Variants in GRID1 observed in about 807,000 individuals in gnomAD.
GRID1 encodes glutamate ionotropic receptor delta type subunit 1.
Under a neutral mutation model 98.0 loss-of-function variants are expected in GRID1, and 28 were observed. That is an observed-to-expected ratio of 0.29 (90% CI 0.21 to 0.39). The LOEUF is 0.39. GRID1 is among the 10% of genes least tolerant of loss of function. The pLI, the probability that GRID1 is intolerant of heterozygous loss-of-function variation, is 1.00. For synonymous variants in GRID1, 553 were observed against 538.5 expected (o/e 1.03, Z -0.37); for missense variants, 1,111 against 1,340.5 (o/e 0.83, Z 2.67).
At chr10:85,743,855 T>C (rs1429964562) in intron 8 of GRID1, among the ~76,000 whole-genome samples, 1 of 152,188 alleles carries the variant, frequency 6.6e-6, no homozygotes, top group African/African-American at 2.4e-5. Flanking sequence ...GAATGATCCT[T>C]TGGTTTCTCT....
At chr10:86,019,198 T>G (rs1843017597) in intron 4 of GRID1, among the ~76,000 whole-genome samples, 2 of 152,204 alleles carry the variant, frequency 1.3e-5, no homozygotes, top group Non-Finnish European at 2.9e-5. Context: ...CCAGACCAGT[T>G]TGGCATCTGC....
At chr10:86,360,944 G>T (rs1010068479) in intron 2 of GRID1, among the ~76,000 whole-genome samples, 1 of 152,214 alleles carries the variant, frequency 6.6e-6, no homozygotes, top group Admixed American at 6.5e-5. Flanking sequence ...GTCACTGTGG[G>T]CTTGTCCAGT....
In GRID1 at chr10:86,165,153, A is replaced by C. The variant is rs1589394089; in HGVS notation, c.521-26129T>G. Among the ~76,000 whole-genome samples, 3 of 152,288 alleles carry C rather than the reference A, an allele frequency of 2.0e-5. No homozygotes were observed. In the South Asian group the frequency reaches 6.2e-4, roughly 32 times the overall value. ...CCCAGCTATGACCAATAGAGGAAAA[A>C]AAAAATCTGTGATCCTGGAGGGATA... On this transcript the variant is annotated intron_variant, in intron 3 of 15. Transcript: ENST00000327946.
chr10:85,998,215 G>A (rs1017032041), intron 4 of GRID1, among the ~76,000 whole-genome samples: 4 of 151,888 alleles, frequency 2.6e-5, no homozygotes, highest in Admixed American at 6.6e-5. Flanking sequence ...AAGAGCCCAC[G>A]AAACGTTCCC....
intron 2 of GRID1, among the ~76,000 whole-genome samples, chr10:86,256,075 C>T (rs967786248): frequency 2.6e-4 from 39 of 152,128 alleles, no homozygotes; most frequent in Non-Finnish European, 7.4e-5. Flanking sequence ...CACAGCTTTT[C>T]CAGACGCACA....
At chr10:86,077,527 G>T (rs1843900191) in intron 4 of GRID1, among the ~76,000 whole-genome samples, 1 of 152,190 alleles carries the variant, frequency 6.6e-6, no homozygotes, top group Non-Finnish European at 1.5e-5. Flanking sequence ...CTCTTCCAAA[G>T]CATTCCCTGC....
At position 85,856,182 on chromosome 10, in the gene GRID1, G is replaced by A; in HGVS notation, c.960C>T (p.Asn320=). 2 of 1,614,090 alleles carry A rather than the reference G, an allele frequency of 1.2e-6. No individual in the cohort carries two copies. Among genetic ancestry groups the A allele is most frequent in the East Asian group, 2.2e-5 (1 of 44,876 alleles). The change falls in exon 7 of 16, where the codon AAC becomes AAT. Residue 320 remains asparagine (N), a synonymous_variant. Transcript: ENST00000327946. ...EGYLQMLQIS[N]LYLYDSVLML... is the part of the protein sequence containing the mutation. ...TCAGAACACTGTCATACAGATAGAGGTTGGAGATCTGCAAAGACAGAGGCA... is the reference window on the plus strand; with the variant it reads ...TCAGAACACTGTCATACAGATAGAGATTGGAGATCTGCAAAGACAGAGGCA...
chr10:86,265,717 A>G (rs527646250), intron 2 of GRID1, among the ~76,000 whole-genome samples: 3 of 152,204 alleles, frequency 2.0e-5, no homozygotes, highest in African/African-American at 7.2e-5. Flanking sequence ...CTTCAGTGCC[A>G]CTAACACTCA....
Position 85,729,710 on chromosome 10 carries a change from T to C in GRID1, c.1234-96A>G, listed in dbSNP as rs576649523. 625 of 720,048 alleles carry C rather than the reference T, an allele frequency of 8.7e-4. 2 individuals are homozygous for C. Among genetic ancestry groups the C allele is most frequent in the South Asian group, 1.2e-3 (71 of 58,092 alleles). 44.6% of individuals were successfully genotyped at this position (720,048 alleles called of 1,614,324 possible). A position where few individuals can be genotyped will look rare whatever the true frequency, so the allele number is the denominator to read the frequency against. On this transcript the variant is annotated intron_variant, in intron 8 of 15. Transcript: ENST00000327946. ...ACACTGGGATCCTGAATTAGGCAGG[T>C]AGGTGAACAGTAGTCCCCTGGAGTT...
chr10:86,271,329 G>C (rs1437003851), intron 2 of GRID1, among the ~76,000 whole-genome samples: 4 of 152,122 alleles, frequency 2.6e-5, no homozygotes, highest in Non-Finnish European at 5.9e-5. Flanking sequence ...CTGCATTCCA[G>C]AATAAAGCCC....
At chr10:86,104,179 T>C (rs1434152240) in intron 4 of GRID1, among the ~76,000 whole-genome samples, 1 of 151,938 alleles carries the variant, frequency 6.6e-6, no homozygotes, top group Non-Finnish European at 1.5e-5. Context: ...CGGACCAGGG[T>C]TCAAATCCAA....
chr10:86,358,160 T>A (rs1564748026), intron 2 of GRID1, among the ~76,000 whole-genome samples: 2 of 152,148 alleles, frequency 1.3e-5, no homozygotes, highest in African/African-American at 2.4e-5. Flanking sequence ...GTGTGATGCT[T>A]CCAGGGTGAG....
intron 2 of GRID1, among the ~76,000 whole-genome samples, chr10:86,273,879 G>C (rs1847226004): frequency 6.7e-6 from 1 of 148,518 alleles, no homozygotes; most frequent in Non-Finnish European, 1.5e-5. Context: ...TCACTCTCAT[G>C]GTAGTTTCTT....
chr10:85,815,068 T>C (rs1360416502), intron 8 of GRID1, among the ~76,000 whole-genome samples: 58 of 152,148 alleles, frequency 3.8e-4, no homozygotes, highest in Non-Finnish European at 5.9e-5. Context: ...GTGATGTTCA[T>C]GCCCAAAATG....
At position 85,636,522 on chromosome 10, in the gene GRID1, C is replaced by T. The variant is rs769334692; in HGVS notation, c.2193+10680G>A. Among the ~76,000 whole-genome samples the T allele has an allele frequency of 3.9e-5, 6 of 152,104 alleles. No individual in the cohort carries two copies. The South Asian group carries it at 6.2e-4, about 16-fold the overall frequency. On this transcript the variant is annotated intron_variant, in intron 13 of 15. Transcript: ENST00000327946. ...AATTAGCCACAGTTTATAATGGCAACGCTCAGGAAAAAAAGATTGAAAAGA... is the reference window on the plus strand; with the variant it reads ...AATTAGCCACAGTTTATAATGGCAATGCTCAGGAAAAAAAGATTGAAAAGA...
At chr10:85,664,678 G>T (rs1268973174) in intron 12 of GRID1, among the ~76,000 whole-genome samples, 1 of 152,108 alleles carries the variant, frequency 6.6e-6, no homozygotes, top group African/African-American at 2.4e-5. Context: ...TAGAATCTGA[G>T]GTTTCATTTC....
intron 5 of GRID1, among the ~76,000 whole-genome samples, chr10:85,898,860 C>G (rs951198154): frequency 5.9e-5 from 9 of 152,122 alleles, no homozygotes; most frequent in Admixed American, 3.3e-4. Context: ...AAAAAAATAC[C>G]ATAGTAAATA....
At chr10:86,354,307 A>G (rs145783934) in intron 2 of GRID1, among the ~76,000 whole-genome samples, 1,880 of 152,384 alleles carry the variant, frequency 0.012, 36 homozygotes, top group African/African-American at 0.043. Flanking sequence ...GCACCCAGAC[A>G]GGACCCAGAG....
chr10:86,314,043 A>C (rs781479224), intron 2 of GRID1, among the ~76,000 whole-genome samples: 2 of 152,180 alleles, frequency 1.3e-5, no homozygotes, highest in Admixed American at 6.5e-5. Flanking sequence ...TCCCATCTCT[A>C]GCCTAATGCA....
Sources: allele counts gnomAD v4.1 joint callset (sites outside exome capture counted in the v4.1 genomes callset), GRCh38; gene constraint gnomAD v4.1.1; transcripts MANE v1.5; gene names NCBI Gene and HGNC (gene_info 2026-07-23, HGNC 2026-07-21).